Variants in NLRP11 observed in about 807,000 individuals in gnomAD.
NLRP11 encodes the protein NACHT, LRR and PYD domains-containing protein 11.
Under a neutral mutation model 79.3 loss-of-function variants are expected in NLRP11, and 53 were observed. The ratio of observed to expected loss-of-function variants is 0.67; its 90% CI spans 0.54 to 0.84. The LOEUF (loss-of-function observed/expected upper bound fraction) is 0.84, where lower values mean the gene tolerates loss of function less well. NLRP11 is among the 40% of genes least tolerant of loss of function. The pLI, the probability that NLRP11 is intolerant of heterozygous loss-of-function variation, is 0.00. For synonymous variants in NLRP11, 518 were observed against 462.6 expected (o/e 1.12, Z -1.54); for missense variants, 1,264 against 1,255.0 (o/e 1.01, Z -0.11).
At chr19:55,785,839 T>C in exon 10 of NLRP11, 1 of 1,614,144 alleles carries the variant, frequency 6.2e-7, no homozygotes, top group Non-Finnish European at 8.5e-7. Context: ...CAGCAACTGC[T>C]GGGTTTGTGT....
chr19:55,818,175 C>T, exon 2 of NLRP11: 1 of 1,609,954 alleles, frequency 6.2e-7, no homozygotes, highest in Non-Finnish European at 8.5e-7. Context: ...ATTCTGCCAT[C>T]TTGCTTCTCC....
intron 5 of NLRP11, among the ~76,000 whole-genome samples, chr19:55,800,154 G>A (rs1342536721): frequency 6.6e-6 from 1 of 152,162 alleles, no homozygotes; most frequent in Admixed American, 6.5e-5. Context: ...GAGAGTACAA[G>A]CGAAATGTAC....
At chr19:55,785,584 C>T (rs774826466) in exon 10 of NLRP11, 34 of 1,567,262 alleles carry the variant, frequency 2.2e-5, no homozygotes, top group African/African-American at 4.1e-5. Context: ...ATCCCAGTCA[C>T]GGTAGTAATT....
intron 2 of NLRP11, among the ~76,000 whole-genome samples, chr19:55,811,308 G>C (rs1330860801): frequency 6.6e-6 from 1 of 152,204 alleles, no homozygotes; most frequent in Non-Finnish European, 1.5e-5. Context: ...ATAGAGGTAT[G>C]ATACAGAAAT....
exon 8 of NLRP11, chr19:55,789,347 T>C: frequency 6.2e-7 from 1 of 1,614,038 alleles, no homozygotes; most frequent in Non-Finnish European, 8.5e-7. Context: ...TTAGTAGCAA[T>C]AACTATGGCA....
chr19:55,832,387 C>G (rs1044376758), upstream of NLRP11, among the ~76,000 whole-genome samples: 3 of 152,234 alleles, frequency 2.0e-5, no homozygotes, highest in Non-Finnish European at 4.4e-5. Flanking sequence ...TGGCAAGGAT[C>G]CTTTCAAATC....
exon 10 of NLRP11, chr19:55,785,589 G>A (rs774255180): frequency 1.2e-5 from 19 of 1,575,310 alleles, no homozygotes; most frequent in Non-Finnish European, 1.6e-5. Flanking sequence ...AGTCACGGTA[G>A]TAATTTATAA....
At chr19:55,833,680 A>G (rs1052405179), upstream of NLRP11, among the ~76,000 whole-genome samples, 1 of 143,858 alleles carries the variant, frequency 7.0e-6, no homozygotes, top group Non-Finnish European at 1.5e-5. Context: ...AGGCAGGAGA[A>G]TTACTTGAGC....
rs769046844 is a variant in NLRP11, at chr19:55,809,731, A to G, written c.879T>C (p.Asp293=). ...TCGACAGCTGCAAGGTCGTGCAGCA[A>G]TCTACCTCTTTCAAGAACGTTTTTA... Residue 293 remains aspartate (D), a synonymous_variant, in exon 3 of 10, where the codon GAT becomes GAC. Coordinates refer to ENST00000589093, the Ensembl canonical transcript of NLRP11. This position sits in a 1 kb window ranked among gnomAD's most constrained non-coding sequence, Gnocchi z 4.5. 1.2e-6 allele frequency: 2 copies of G among 1,614,208 alleles called. No homozygotes were observed. The highest frequency in any genetic ancestry group is 4.5e-5 in the East Asian group (2 of 44,886).
intron 1 of NLRP11, among the ~76,000 whole-genome samples, chr19:55,822,694 G>C (rs536995620): frequency 6.6e-6 from 1 of 152,274 alleles, no homozygotes; most frequent in East Asian, 1.9e-4. Context: ...CGAATACTGC[G>C]CTTTTCTGAC....
At chr19:55,818,275 G>T in intron 1 of NLRP11, 39 bp from the exon 2 acceptor site, 1 of 893,892 alleles carries the variant, frequency 1.1e-6, no homozygotes, top group Non-Finnish European at 1.7e-6. Flanking sequence ...AAACCACACA[G>T]TAATGCCAAT....
At chr19:55,801,222 T>A (rs1979445159) in intron 5 of NLRP11, 2 of 187,320 alleles carry the variant, frequency 1.1e-5, no homozygotes, top group African/African-American at 4.7e-5. Flanking sequence ...CCTTTTACTT[T>A]TTAATGTGGC....
At chr19:55,818,320 G>A (rs1203131384) in intron 1 of NLRP11, 84 bp from the exon 2 acceptor site, 1 of 657,374 alleles carries the variant, frequency 1.5e-6, no homozygotes, top group Non-Finnish European at 2.6e-6. Context: ...AATTCCTGTG[G>A]TGTGATAGAA....
intron 5 of NLRP11, 121 bp downstream of exon 5, chr19:55,801,451 T>G: frequency 1.4e-6 from 1 of 712,976 alleles, no homozygotes; most frequent in Non-Finnish European, 2.4e-6. Context: ...GCTAAAAAAA[T>G]TGAGGAATGA....
chr19:55,810,001 G>T, exon 3 of NLRP11: 1 of 1,614,150 alleles, frequency 6.2e-7, no homozygotes, highest in South Asian at 1.1e-5. Flanking sequence ...AGTCCTTGGC[G>T]ATTAGCTCAG....
chr19:55,795,937 C>A, intron 6 of NLRP11, 143 bp downstream of exon 6: 1 of 707,110 alleles, frequency 1.4e-6, no homozygotes, highest in South Asian at 2.0e-5. Flanking sequence ...AGAGTATTAA[C>A]CCAGACCTAC....
intron 9 of NLRP11, among the ~76,000 whole-genome samples, chr19:55,786,394 G>A (rs768778364): frequency 6.6e-6 from 1 of 152,030 alleles, no homozygotes; most frequent in Non-Finnish European, 1.5e-5. Flanking sequence ...GTGTGGTGGT[G>A]CGTGCCTGTG....
chr19:55,794,739 A>G (rs1232159883), intron 6 of NLRP11, among the ~76,000 whole-genome samples: 1 of 152,110 alleles, frequency 6.6e-6, no homozygotes, highest in African/African-American at 2.4e-5. Flanking sequence ...CAGCCTGGGC[A>G]ATACAGCGAG....
chr19:55,792,574 G>A (rs1484355482), intron 6 of NLRP11, 103 bp from the exon 7 acceptor site: 15 of 777,752 alleles, frequency 1.9e-5, no homozygotes, highest in African/African-American at 3.5e-5. Context: ...GCCTTCTACT[G>A]CCATTGCCCC....
Sources: allele counts gnomAD v4.1 joint callset (sites outside exome capture counted in the v4.1 genomes callset), GRCh38; gene constraint gnomAD v4.1.1; non-coding constraint Gnocchi (gnomAD v3.1); transcripts MANE v1.5; gene names NCBI Gene and HGNC (gene_info 2026-07-23, HGNC 2026-07-21).